The following KCNMB1 variants were observed in gnomAD, a reference collection of about 807,000 sequenced individuals.
KCNMB1 encodes the protein calcium-activated potassium channel subunit beta-1.
KCNMB1 carries 22 observed loss-of-function variants against 21.7 expected under a neutral mutation model. The ratio of observed to expected loss-of-function variants is 1.01; its 90% confidence interval spans 0.72 to 1.45. The LOEUF (loss-of-function observed/expected upper bound fraction) is 1.45, where lower values mean the gene tolerates loss of function less well. KCNMB1 is among the 40% of genes most tolerant of loss of function. The pLI, the probability that KCNMB1 is intolerant of heterozygous loss-of-function variation, is 0.00. For synonymous variants in KCNMB1, 114 were observed against 107.6 expected, an observed-to-expected ratio of 1.06 and a Z score of -0.37; for missense variants, 243 against 243.4, an observed-to-expected ratio of 1.00 and a Z score of 0.01.
chr5:170,378,923 G>A lies in KCNMB1; in HGVS notation c.357C>T (p.Asp119=), dbSNP rs772278093. The A allele has an allele frequency of 1.5e-5, 24 of 1,614,058 alleles. No homozygotes were observed. The highest frequency in any genetic ancestry group is 1.3e-4 in the South Asian group (12 of 91,090). ...GGAATTTGGCTCTGACCTTCTCCAC[G>A]TCGGCCCGGGCCGTCTGGTAATTGT... ...SVDNYQTARA[D]VEKVRAKFQE... The change falls in exon 4 of 4, where the codon GAC becomes GAT. Residue 119 remains aspartate, a synonymous_variant. Coordinates refer to ENST00000274629, the MANE Select transcript of KCNMB1 (RefSeq NM_004137.4).
At position 170,378,813 on chromosome 5, in the gene KCNMB1, G is replaced by T; in HGVS notation, c.467C>A (p.Ala156Asp). The T allele has an allele frequency of 1.2e-6, 2 of 1,614,240 alleles. No individual in the cohort carries two copies. The highest frequency in any genetic ancestry group is 2.2e-5 in the South Asian group (2 of 91,090). The change falls in exon 4 of 4, where the codon GCC becomes GAC. Residue 156 changes from alanine to aspartate, a missense_variant. Ala to Asp is a moderately radical substitution (Grantham distance 126). Transcript: ENST00000274629. ...GGGCCAGAAGAGGGAGAAGAGGAGG[G>T]CCTGGGGCCCGTAGAGGCGCTGGAA... ...VLFQRLYGPQ[A>D]LLFSLFWPTF...
chr5:170,384,665 G>A (rs1012979389), intron 2 of KCNMB1, among the ~76,000 whole-genome samples: 1 of 152,250 alleles, frequency 6.6e-6, no homozygotes, highest in African/African-American at 2.4e-5. Context: ...TTATCCTAAG[G>A]ACAGGCTGGG....
chr5:170,378,405 CAT>C lies in KCNMB1; in HGVS notation c.*297_*298del. 1 of 335,804 alleles carries C rather than the reference CAT, an allele frequency of 3.0e-6. No individual in the cohort carries two copies. The highest frequency in any genetic ancestry group is 5.4e-6 in the Non-Finnish European group (1 of 185,816). 20.8% of individuals were successfully genotyped at this position (335,804 alleles called of 1,614,324 possible). A position where few individuals can be genotyped will look rare whatever the true frequency, so the allele number is the denominator to read the frequency against. ...GACGATCATCGTTCTCTGTGGGGCA[CAT>C]AGTGATGCAGCCGGAAACAGGTATG... On this transcript the variant is annotated 3_prime_UTR_variant, in exon 4 of 4. Coordinates refer to ENST00000274629, the MANE Select transcript of KCNMB1 (RefSeq NM_004137.4).
In KCNMB1 at chr5:170,385,329, G is replaced by A. The variant is rs986516794; in HGVS notation, c.119C>T (p.Pro40Leu). The change falls in exon 2 of 4, where the codon CCC (proline) becomes CTC (leucine). Residue 40 changes from proline to leucine, a missense_variant. Pro to Leu is a moderately conservative substitution (Grantham distance 98). Coordinates refer to ENST00000274629, the MANE Select transcript of KCNMB1 (RefSeq NM_004137.4). ...TYYILVTTVL[P>L]LYQKSVWTQE... ...AGCTCAGTACCTTTTCTGGTAGAGG[G>A]GCAGCACAGTCGTGACCAGGATGTA... 4 of 1,614,134 alleles carry A rather than the reference G, an allele frequency of 2.5e-6. No homozygotes were observed. The highest frequency in any genetic ancestry group is 3.4e-6 in the Non-Finnish European group (4 of 1,180,020).
Position 170,383,804 on chromosome 5 carries a change from T to C in KCNMB1, c.181A>G (p.Arg61Gly), listed in dbSNP as rs759566195. ...TTGCCCTTCAGCTCCTCCTGGTCCC[T>C]GATGTTGGTCTCAATCAGGTGGCAC... ...SKCHLIETNI[R>G]DQEELKGKKV... Residue 61 changes from arginine to glycine, a missense_variant, in exon 3 of 4, where the codon AGG becomes GGG. Transcript: ENST00000274629. 7.4e-6 allele frequency: 12 copies of C among 1,614,012 alleles called. No individual in the cohort carries two copies. The highest frequency in any genetic ancestry group is 1.0e-5 in the Non-Finnish European group (12 of 1,180,012).
Position 170,385,340 on chromosome 5 carries a change from C to A in KCNMB1, c.108G>T (p.Thr36=), listed in dbSNP as rs765682588. 1 of 1,614,066 alleles carries A rather than the reference C, an allele frequency of 6.2e-7. No individual in the cohort carries two copies. The highest frequency in any genetic ancestry group is 1.1e-5 in the South Asian group (1 of 91,062). The change falls in exon 2 of 4, where the codon ACG becomes ACT. Residue 36 remains threonine (T), a synonymous_variant. Coordinates refer to ENST00000274629, the MANE Select transcript of KCNMB1 (RefSeq NM_004137.4). ...CAVITYYILV[T]TVLPLYQKSV... is the part of the protein sequence containing the mutation. Reference sequence around the variant, plus strand: ...TTTTCTGGTAGAGGGGCAGCACAGTCGTGACCAGGATGTAGTAGGTGATGA... The same window carrying A: ...TTTTCTGGTAGAGGGGCAGCACAGTAGTGACCAGGATGTAGTAGGTGATGA...
rs1764040664 is a variant in KCNMB1 at position 170,377,251 on chromosome 5, A to C, written c.*1453T>G. 6.6e-6 allele frequency: 1 copy of C among 152,262 alleles called. No homozygotes were observed. Among genetic ancestry groups the C allele is most frequent in the Admixed American group, 6.5e-5 (1 of 15,286 alleles). The allele number at this position is 152,262 out of a possible 1,614,324, so 9.4% of individuals were successfully genotyped here. A position where few individuals can be genotyped will look rare whatever the true frequency, so the allele number is the denominator to read the frequency against. On this transcript the variant is annotated 3_prime_UTR_variant, in exon 4 of 4. Transcript: ENST00000274629. ...ACAGAATCCCCTACGCATTGTTAGA[A>C]CACAGAACATTGCTACCCCCACCCC... is the stretch of plus-strand genomic sequence containing the variant.
chr5:170,387,743 C>T (rs1295438896), intron 1 of KCNMB1, among the ~76,000 whole-genome samples: 1 of 152,194 alleles, frequency 6.6e-6, no homozygotes, highest in African/African-American at 2.4e-5. Flanking sequence ...TTCTACCTGG[C>T]GTCAGTTGAA....
rs530890224 is a variant in KCNMB1, at chr5:170,385,037, T to A, written c.134+277A>T. ...GCACTGGAACCTTTGCTCTGATTCT[T>A]TGCTATTTCTTCTGAGAAGGGCATC... On this transcript the variant is annotated intron_variant, in intron 2 of 3. Transcript: ENST00000274629. Among the ~76,000 whole-genome samples the A allele has an allele frequency of 2.6e-5, 4 of 152,186 alleles. No homozygotes were observed. The East Asian group carries it at 5.8e-4, about 22-fold the overall frequency.
rs984828288 is a variant in KCNMB1, at chr5:170,376,591, C to T, written c.*2113G>A. The T allele has an allele frequency of 6.6e-6, 1 of 152,144 alleles. No homozygotes were observed. Among genetic ancestry groups the T allele is most frequent in the Non-Finnish European group, 1.5e-5 (1 of 68,028 alleles). 9.4% of individuals were successfully genotyped at this position (152,144 alleles called of 1,614,324 possible). ...GTCCATGTGTTTTCATCATTTAGCTCCCACTTATAAGTGAGAATATACAGT... is the reference window on the plus strand; with the variant it reads ...GTCCATGTGTTTTCATCATTTAGCTTCCACTTATAAGTGAGAATATACAGT... On this transcript the variant is annotated 3_prime_UTR_variant, in exon 4 of 4. Transcript: ENST00000274629.
intron 1 of KCNMB1, among the ~76,000 whole-genome samples, chr5:170,388,767 C>G (rs1452712091): frequency 6.6e-6 from 1 of 152,282 alleles, no homozygotes; most frequent in African/African-American, 2.4e-5. Flanking sequence ...GACTGTGAAA[C>G]GAGAACCATG....
Position 170,376,246 on chromosome 5 carries a change from C to T in KCNMB1, c.*2458G>A, listed in dbSNP as rs1279027747. 5 of 149,836 alleles carry T rather than the reference C, an allele frequency of 3.3e-5. No homozygotes were observed. The highest frequency in any genetic ancestry group is 3.0e-5 in the Non-Finnish European group (2 of 67,762). The allele number at this position is 149,836 out of a possible 1,614,324, so 9.3% of individuals were successfully genotyped here. A position where few individuals can be genotyped will look rare whatever the true frequency, so the allele number is the denominator to read the frequency against. The stretch of plus-strand genomic sequence containing the variant: ...CGCGATCTCGGCTCACTGCAAGCTC[C>T]GCCTCCCGGGTTCACGCCATTCTTC... On this transcript the variant is annotated 3_prime_UTR_variant, in exon 4 of 4. Coordinates refer to ENST00000274629, the MANE Select transcript of KCNMB1 (RefSeq NM_004137.4).
rs1763942960 is a variant in KCNMB1, at chr5:170,374,794, C to A, written c.*3910G>T. ...ATGCCTAAATTCCCATTATTTCATG[C>A]TTATCCCGTGCATAAAGTTCTGTGA... is the stretch of plus-strand genomic sequence containing the variant. On this transcript the variant is annotated 3_prime_UTR_variant, in exon 4 of 4. Coordinates refer to ENST00000274629, the MANE Select transcript of KCNMB1 (RefSeq NM_004137.4). The A allele has an allele frequency of 6.6e-6, 1 of 152,178 alleles. No homozygotes were observed. The highest frequency in any genetic ancestry group is 1.5e-5 in the Non-Finnish European group (1 of 68,026). The allele number at this position is 152,178 out of a possible 1,614,324, so 9.4% of individuals were successfully genotyped here.
Position 170,378,317 on chromosome 5 carries a change from G to T in KCNMB1, c.*387C>A, listed in dbSNP as rs1473369035. ...AAACAAAGAAGGGAGGCTCGCTGGG[G>T]ACAGCTTCTGGGGGAGGATGGGTAC... is the stretch of plus-strand genomic sequence containing the variant. On this transcript the variant is annotated 3_prime_UTR_variant, in exon 4 of 4. Transcript: ENST00000274629. The T allele has an allele frequency of 5.5e-6, 1 of 182,644 alleles. No homozygotes were observed. The highest frequency in any genetic ancestry group is 1.1e-5 in the Non-Finnish European group (1 of 88,716). The allele number at this position is 182,644 out of a possible 1,614,324, so 11.3% of individuals were successfully genotyped here.
intron 3 of KCNMB1, among the ~76,000 whole-genome samples, chr5:170,381,022 T>A (rs1368134366): frequency 6.6e-6 from 1 of 152,224 alleles, no homozygotes; most frequent in East Asian, 1.9e-4. Flanking sequence ...GACTTATCTA[T>A]GAAATTGCAA....
In KCNMB1 at chr5:170,375,370, A is replaced by C. The variant is rs1408635799; in HGVS notation, c.*3334T>G. The C allele has an allele frequency of 6.6e-6, 1 of 152,242 alleles. No homozygotes were observed. The highest frequency in any genetic ancestry group is 1.5e-5 in the Non-Finnish European group (1 of 68,028). 9.4% of individuals were successfully genotyped at this position (152,242 alleles called of 1,614,324 possible). ...GGAAGGAAGGTCCACCAGGTAAGAAACTGGAGGCCACAGGGATACCTCTGG... is the reference window on the plus strand; with the variant it reads ...GGAAGGAAGGTCCACCAGGTAAGAACCTGGAGGCCACAGGGATACCTCTGG... On this transcript the variant is annotated 3_prime_UTR_variant, in exon 4 of 4. Transcript: ENST00000274629.
intron 3 of KCNMB1, 96 bp from the exon 4 acceptor site, chr5:170,379,069 C>A: frequency 6.9e-7 from 1 of 1,449,624 alleles, no homozygotes; most frequent in Non-Finnish European, 9.3e-7. Flanking sequence ...GCTTTGTAGT[C>A]GGGCCCCTGG....
chr5:170,381,342 G>A (rs1764230657), intron 3 of KCNMB1, among the ~76,000 whole-genome samples: 1 of 152,200 alleles, frequency 6.6e-6, no homozygotes, highest in African/African-American at 2.4e-5. Context: ...GACAATGGGA[G>A]GGAATTTAGA....
At chr5:170,380,502 C>A (rs1764196993) in intron 3 of KCNMB1, among the ~76,000 whole-genome samples, 1 of 152,252 alleles carries the variant, frequency 6.6e-6, no homozygotes, top group Admixed American at 6.5e-5. Context: ...AAGCTGCCTG[C>A]CCTGAGGGCA....
Sources: gnomAD v4.1 joint callset for allele counts (sites outside exome capture counted in the v4.1 genomes callset) on GRCh38, gnomAD v4.1.1 for gene constraint, MANE v1.5 for transcripts, NCBI Gene and HGNC (gene_info 2026-07-23, HGNC 2026-07-21) for gene names.